The following AGBL4 variants were observed in gnomAD, a reference collection of about 807,000 sequenced individuals.
The protein encoded by AGBL4 is cytosolic carboxypeptidase 6.
Under a neutral mutation model 66.4 loss-of-function variants are expected in AGBL4, and 58 were observed. The observed-to-expected ratio is 0.87, with a 90% CI of 0.71 to 1.09. The LOEUF (loss-of-function observed/expected upper bound fraction) is 1.09. Ranked by LOEUF, AGBL4 falls within the 50% of genes least tolerant of loss-of-function variation. The pLI is 0.00. For synonymous variants in AGBL4, 234 were observed against 222.9 expected (o/e 1.05, Z -0.44); for missense variants, 579 against 631.0 (o/e 0.92, Z 0.88).
At chr1:48,539,471 G>A (rs1644026889) in intron 12 of AGBL4, among the ~76,000 whole-genome samples, 171 bp downstream of exon 12, 1 of 151,906 alleles carries the variant, frequency 6.6e-6, no homozygotes, top group South Asian at 2.1e-4. Context: ...CTTTCTTTAT[G>A]CTCAGGAACT....
At chr1:49,178,517 T>A (rs1011735631) in intron 4 of AGBL4, among the ~76,000 whole-genome samples, 2 of 152,184 alleles carry the variant, frequency 1.3e-5, no homozygotes, top group Non-Finnish European at 2.9e-5. Context: ...CAACTCTGTG[T>A]CTGTTTCATT....
intron 9 of AGBL4, among the ~76,000 whole-genome samples, chr1:48,630,836 GT>G (rs1645581586): frequency 1.3e-5 from 2 of 152,128 alleles, no homozygotes; most frequent in Admixed American, 1.3e-4. Flanking sequence ...AGCCTCCTGA[GT>G]AAGACACCCT....
intron 3 of AGBL4, among the ~76,000 whole-genome samples, chr1:49,324,265 A>C (rs1645183706): frequency 6.6e-6 from 1 of 152,238 alleles, no homozygotes; most frequent in African/African-American, 2.4e-5. Context: ...GAGCTGCTTT[A>C]ACAACAGAAA....
At chr1:49,485,245 G>A (rs1298581210) in intron 3 of AGBL4, among the ~76,000 whole-genome samples, 2 of 151,822 alleles carry the variant, frequency 1.3e-5, no homozygotes, top group Non-Finnish European at 2.9e-5. Flanking sequence ...AAGAAAATAT[G>A]GCATATATAC....
chr1:48,752,607 G>A (rs559416211), intron 6 of AGBL4, among the ~76,000 whole-genome samples: 1 of 152,276 alleles, frequency 6.6e-6, no homozygotes, highest in East Asian at 1.9e-4. Flanking sequence ...TTCTGCTGTA[G>A]GACAATGGGT....
chr1:49,822,405 T>C (rs1437106332), intron 2 of AGBL4, among the ~76,000 whole-genome samples: 2 of 151,930 alleles, frequency 1.3e-5, no homozygotes, highest in African/African-American at 4.8e-5. Flanking sequence ...CTAGGCTCAC[T>C]GCAACCTCCA....
intron 3 of AGBL4, among the ~76,000 whole-genome samples, chr1:49,400,024 T>C (rs1317441469): frequency 3.3e-5 from 5 of 152,222 alleles, no homozygotes; most frequent in East Asian, 1.9e-4. Flanking sequence ...TTTTTGTATA[T>C]GGTGAAGCAT....
At chr1:49,679,592 C>T (rs941728008) in intron 3 of AGBL4, among the ~76,000 whole-genome samples, 1 of 152,132 alleles carries the variant, frequency 6.6e-6, no homozygotes, top group East Asian at 1.9e-4. Flanking sequence ...GGGCTTGATT[C>T]TATAATTTTG....
chr1:49,960,965 T>C (rs1657074558), intron 1 of AGBL4, among the ~76,000 whole-genome samples: 1 of 151,884 alleles, frequency 6.6e-6, no homozygotes, highest in Non-Finnish European at 1.5e-5. Flanking sequence ...TTTAATAGAG[T>C]GTAAAGTTCA....
chr1:49,340,335 C>A (rs907338243), intron 3 of AGBL4, among the ~76,000 whole-genome samples: 1 of 152,048 alleles, frequency 6.6e-6, no homozygotes, highest in Non-Finnish European at 1.5e-5. Context: ...AGCCTCTAAC[C>A]AGTAGAATTC....
chr1:49,481,036 G>T (rs1243788598), intron 3 of AGBL4, among the ~76,000 whole-genome samples: 1 of 152,004 alleles, frequency 6.6e-6, no homozygotes, highest in Non-Finnish European at 1.5e-5. Context: ...CTTGGTTACT[G>T]AAGCCCTGTA....
chr1:49,544,653 A>G (rs1652336373), intron 3 of AGBL4, among the ~76,000 whole-genome samples: 1 of 152,232 alleles, frequency 6.6e-6, no homozygotes, highest in Admixed American at 6.5e-5. Flanking sequence ...TAATCATTTT[A>G]TGTGTATTTC....
chr1:49,336,415 A>G (rs559241650), intron 3 of AGBL4, among the ~76,000 whole-genome samples: 1 of 152,312 alleles, frequency 6.6e-6, no homozygotes, highest in East Asian at 1.9e-4. Flanking sequence ...CTACGATTCA[A>G]ATGTTAATCT....
At chr1:48,985,655 T>C (rs1438339267) in intron 5 of AGBL4, among the ~76,000 whole-genome samples, 2 of 152,040 alleles carry the variant, frequency 1.3e-5, no homozygotes, top group Admixed American at 6.6e-5. Context: ...AAACTGTTTC[T>C]AAGTAACATA....
chr1:49,591,684 A>G (rs1184972149), intron 3 of AGBL4, among the ~76,000 whole-genome samples: 3 of 152,182 alleles, frequency 2.0e-5, no homozygotes, highest in Non-Finnish European at 4.4e-5. Flanking sequence ...TTGACTTCAA[A>G]CTATACTACA....
At chr1:49,603,610 G>A (rs1645007081) in intron 3 of AGBL4, among the ~76,000 whole-genome samples, 1 of 151,960 alleles carries the variant, frequency 6.6e-6, no homozygotes, top group East Asian at 1.9e-4. Context: ...AAGGCCTCTA[G>A]GAGGCAGGCC....
chr1:48,995,324 A>G (rs1287283324), intron 5 of AGBL4, among the ~76,000 whole-genome samples: 1 of 152,220 alleles, frequency 6.6e-6, no homozygotes, highest in African/African-American at 2.4e-5. Context: ...TGTGGTCACC[A>G]TTCACATTTC....
At chr1:49,309,386 C>T (rs896159176) in intron 3 of AGBL4, among the ~76,000 whole-genome samples, 2 of 152,032 alleles carry the variant, frequency 1.3e-5, no homozygotes, top group Admixed American at 6.6e-5. Flanking sequence ...TGCTGATTCA[C>T]TGTGTCAAGA....
intron 1 of AGBL4, among the ~76,000 whole-genome samples, chr1:49,886,181 C>T (rs1648016741): frequency 6.6e-6 from 1 of 152,160 alleles, no homozygotes; most frequent in South Asian, 2.1e-4. Flanking sequence ...CAACCAGTCA[C>T]TTAAACACTA....
Sources: gnomAD v4.1 joint callset for allele counts (sites outside exome capture counted in the v4.1 genomes callset) on GRCh38, gnomAD v4.1.1 for gene constraint, MANE v1.5 for transcripts, NCBI Gene and HGNC (gene_info 2026-07-23, HGNC 2026-07-21) for gene names.